CNTLN: variants seen among roughly 807,000 people sequenced by gnomAD.
The protein encoded by CNTLN is centlein, centrosomal protein.
Under a neutral mutation model 180.0 loss-of-function variants are expected in CNTLN, and 212 were observed. The ratio of observed to expected loss-of-function variants is 1.18; its 90% CI spans 1.05 to 1.32. CNTLN has a LOEUF of 1.32. CNTLN is among the 40% of genes most tolerant of loss of function. The pLI, the probability that CNTLN is intolerant of heterozygous loss-of-function variation, is 0.00. For missense variants in CNTLN, 2,095 were observed against 1,610.9 expected (o/e 1.30, Z -5.14); for synonymous variants, 722 against 563.1 (o/e 1.28, Z -3.99).
intron 5 of CNTLN, among the ~76,000 whole-genome samples, chr9:17,249,689 T>C (rs1826025863): frequency 6.6e-6 from 1 of 151,912 alleles, no homozygotes; most frequent in Admixed American, 6.6e-5. Context: ...GTATTTTCCT[T>C]TTTCCCTTCT....
At chr9:17,360,163 A>T (rs572756515) in intron 12 of CNTLN, among the ~76,000 whole-genome samples, 66 of 152,292 alleles carry the variant, frequency 4.3e-4, no homozygotes, top group African/African-American at 1.4e-3. Flanking sequence ...AATAATTCCT[A>T]GTTCCTCTTG....
At chr9:17,194,023 C>T (rs1035921290) in intron 2 of CNTLN, among the ~76,000 whole-genome samples, 1 of 152,226 alleles carries the variant, frequency 6.6e-6, no homozygotes, top group African/African-American at 2.4e-5. Flanking sequence ...TGACTCCTTT[C>T]AGTCATGGCC....
At chr9:17,462,640 C>G (rs1447513920) in intron 19 of CNTLN, among the ~76,000 whole-genome samples, 2 of 151,724 alleles carry the variant, frequency 1.3e-5, no homozygotes, top group African/African-American at 4.8e-5. Flanking sequence ...ACCAGGACAA[C>G]TCATATTTCC....
chr9:17,484,067 TG>T (rs1440164970), intron 23 of CNTLN, among the ~76,000 whole-genome samples: 3 of 152,102 alleles, frequency 2.0e-5, no homozygotes, highest in Non-Finnish European at 4.4e-5. Context: ...GAAAGAGGGA[TG>T]GGGGAGCTTT....
At chr9:17,504,510 G>A (rs913471364), downstream of CNTLN, among the ~76,000 whole-genome samples, 7 of 152,092 alleles carry the variant, frequency 4.6e-5, no homozygotes, top group Non-Finnish European at 2.9e-5. Flanking sequence ...CTTAGTCCCC[G>A]AAACCTGCGA....
At chr9:17,183,398 T>G (rs1377273593) in intron 2 of CNTLN, among the ~76,000 whole-genome samples, 1 of 152,000 alleles carries the variant, frequency 6.6e-6, no homozygotes, top group Non-Finnish European at 1.5e-5. Context: ...CCACAAAAAC[T>G]CATTGAGTAG....
intron 18 of CNTLN, among the ~76,000 whole-genome samples, chr9:17,439,731 C>T (rs971427497): frequency 1.3e-5 from 2 of 152,162 alleles, no homozygotes; most frequent in Admixed American, 1.3e-4. Context: ...AAAAGTGGAG[C>T]CTTTGAGAAT....
chr9:17,315,093 G>A (rs1424007244), intron 8 of CNTLN, among the ~76,000 whole-genome samples: 1 of 151,636 alleles, frequency 6.6e-6, no homozygotes, highest in Non-Finnish European at 1.5e-5. Flanking sequence ...TTATTCTTTT[G>A]TGCAATTCTG....
rs1316442981 is a variant in CNTLN, at chr9:17,399,266, C to T, written c.2615+4197C>T. On this transcript the variant is annotated intron_variant, in intron 15 of 25. Transcript: ENST00000380647. ...ACTTGTTTTTCACTTGTTAATCTGT[C>T]TTTTGTTACAGGGGTCTCAAATGAG... is the stretch of plus-strand genomic sequence containing the variant. Among the ~76,000 whole-genome samples, 6 of 152,142 alleles carry T rather than the reference C, an allele frequency of 3.9e-5. No individual in the cohort carries two copies. In the East Asian group the frequency reaches 1.2e-3, roughly 29 times the overall value.
intron 14 of CNTLN, among the ~76,000 whole-genome samples, chr9:17,388,994 T>A (rs1173044551): frequency 1.3e-5 from 2 of 152,010 alleles, no homozygotes; most frequent in Non-Finnish European, 2.9e-5. Context: ...GTCATTTGGC[T>A]ACATTAGATT....
intron 7 of CNTLN, among the ~76,000 whole-genome samples, chr9:17,308,601 C>G (rs935816419): frequency 6.6e-6 from 1 of 151,910 alleles, no homozygotes; most frequent in African/African-American, 2.4e-5. Context: ...TCTGTCCTTT[C>G]CTATCGTTGT....
At position 17,410,650 on chromosome 9, in the gene CNTLN, C is replaced by G. The variant is rs77492451; in HGVS notation, c.2796+1177C>G. ...TATCCTATGCTACCTTCCATGTTGTCTTTTCCTATATTTTTCTGATTTCCT... is the reference window on the plus strand; with the variant it reads ...TATCCTATGCTACCTTCCATGTTGTGTTTTCCTATATTTTTCTGATTTCCT... On this transcript the variant is annotated intron_variant, in intron 16 of 25. Transcript: ENST00000380647. 4.1e-3 allele frequency among the ~76,000 whole-genome samples: 628 copies of G among 152,144 alleles called. 2 individuals carry two copies. Among genetic ancestry groups the G allele is most frequent in the African/African-American group, 0.014 (567 of 41,512 alleles).
At chr9:17,309,472 C>G (rs111250419) in intron 8 of CNTLN, among the ~76,000 whole-genome samples, 4 of 152,106 alleles carry the variant, frequency 2.6e-5, no homozygotes, top group African/African-American at 7.2e-5. Context: ...CAGGGTCTAG[C>G]AAATATAGTT....
At chr9:17,303,301 A>T (rs1818494496) in intron 7 of CNTLN, among the ~76,000 whole-genome samples, 1 of 152,132 alleles carries the variant, frequency 6.6e-6, no homozygotes, top group Non-Finnish European at 1.5e-5. Flanking sequence ...TCTCATCCAA[A>T]TTTTTTCAAC....
the CNTLN span, among the ~76,000 whole-genome samples, chr9:17,522,386 C>T: frequency 1.3e-5 from 2 of 152,150 alleles, no homozygotes; most frequent in Non-Finnish European, 2.9e-5. Context: ...CAAGATTCCA[C>T]AGCAAATACC....
rs373895537 is a variant in CNTLN, at chr9:17,236,279, A to G, written c.670-130A>G. On this transcript the variant is annotated intron_variant, in intron 4 of 25. Coordinates refer to ENST00000380647, the MANE Select transcript of CNTLN (RefSeq NM_017738.4). ...TAAAAGTACACAGGTGACCTTGGCTATCAAATATAGAAGAAGCTTCTGTGA... is the reference window on the plus strand; with the variant it reads ...TAAAAGTACACAGGTGACCTTGGCTGTCAAATATAGAAGAAGCTTCTGTGA... 7 of 706,410 alleles carry G rather than the reference A, an allele frequency of 9.9e-6. No individual in the cohort carries two copies. The South Asian group carries it at 1.5e-4, about 15-fold the overall frequency. 43.8% of individuals were successfully genotyped at this position (706,410 alleles called of 1,614,324 possible).
At chr9:17,190,448 G>T (rs1044601485) in intron 2 of CNTLN, among the ~76,000 whole-genome samples, 13 of 151,818 alleles carry the variant, frequency 8.6e-5, no homozygotes, top group African/African-American at 3.1e-4. Flanking sequence ...ACCATGAAAG[G>T]ATTTTTTTAT....
intron 15 of CNTLN, among the ~76,000 whole-genome samples, chr9:17,395,859 T>G (rs1317150392): frequency 6.6e-6 from 1 of 152,154 alleles, no homozygotes; most frequent in South Asian, 2.1e-4. Context: ...AGGAGCTGGG[T>G]AAAATGAGGC....
At chr9:17,171,494 CA>C (rs1820417933) in intron 2 of CNTLN, among the ~76,000 whole-genome samples, 1 of 152,176 alleles carries the variant, frequency 6.6e-6, no homozygotes, top group East Asian at 1.9e-4. Context: ...AAGGTGTCTG[CA>C]GGGGGAGCGA....
Sources: gnomAD v4.1 joint callset for allele counts (sites outside exome capture counted in the v4.1 genomes callset) on GRCh38, gnomAD v4.1.1 for gene constraint, MANE v1.5 for transcripts, NCBI Gene and HGNC (gene_info 2026-07-23, HGNC 2026-07-21) for gene names.